Variants in STAB2 observed in about 807,000 individuals in gnomAD.
The protein encoded by STAB2 is stabilin 2.
A neutral mutation model predicts 338.1 loss-of-function variants in STAB2; 288 were observed. The ratio of observed to expected loss-of-function variants is 0.85; its 90% confidence interval spans 0.77 to 0.94. The LOEUF is 0.94. Ranked by LOEUF, STAB2 falls within the 40% of genes least tolerant of loss-of-function variation. The pLI, the probability that STAB2 is intolerant of heterozygous loss-of-function variation, is 0.00. For synonymous variants in STAB2, 1,202 were observed against 1,193.3 expected (o/e 1.01, Z -0.15); for missense variants, 3,141 against 3,210.1 (o/e 0.98, Z 0.52).
At chr12:103,721,753 A>G (rs940776618) in intron 44 of STAB2, among the ~76,000 whole-genome samples, 2 of 152,210 alleles carry the variant, frequency 1.3e-5, no homozygotes, top group African/African-American at 2.4e-5. Context: ...ACTTTGGGGC[A>G]CTGAGGCAGG....
chr12:103,662,336 G>A (rs1874694334), intron 17 of STAB2, among the ~76,000 whole-genome samples: 1 of 152,060 alleles, frequency 6.6e-6, no homozygotes. Flanking sequence ...TACTGCAGGG[G>A]GTGGGTGGCA....
intron 46 of STAB2, 23 bp from the exon 47 acceptor site, chr12:103,727,244 G>A (rs775505298): frequency 6.2e-7 from 1 of 1,613,960 alleles, no homozygotes. Context: ...AGTGATGTGT[G>A]AGCCTCACCT....
intron 27 of STAB2, 33 bp from the exon 28 acceptor site, chr12:103,688,135 C>G (rs1490790466): frequency 1.0e-5 from 16 of 1,603,584 alleles, no homozygotes; most frequent in Non-Finnish European, 1.4e-5. Context: ...TCTCTCCCAT[C>G]TCTTCTTCCC....
At chr12:103,704,478 C>T in intron 35 of STAB2, 80 bp from the exon 36 acceptor site, 1 of 1,428,320 alleles carries the variant, frequency 7.0e-7, no homozygotes, top group Non-Finnish European at 9.7e-7. Flanking sequence ...AATTCAAAAA[C>T]CTTCATTTCC....
chr12:103,643,832 G>A (rs1018567295), intron 9 of STAB2, among the ~76,000 whole-genome samples: 2 of 151,034 alleles, frequency 1.3e-5, no homozygotes, highest in Non-Finnish European at 3.0e-5. Flanking sequence ...AGGGAGGTGG[G>A]GGGGTCAGCC....
chr12:103,678,899 CCACT>C (rs1876638549), intron 25 of STAB2, among the ~76,000 whole-genome samples: 1 of 152,120 alleles, frequency 6.6e-6, no homozygotes, highest in African/African-American at 2.4e-5. Flanking sequence ...GGCATCATTC[CCACT>C]CACTCCTCCA....
chr12:103,758,265 G>A lies in STAB2; in HGVS notation c.7083G>A (p.Gln2361=). 6.2e-7 allele frequency: 1 copy of A among 1,613,964 alleles called. No homozygotes were observed. The highest frequency in any genetic ancestry group is 8.5e-7 in the Non-Finnish European group (1 of 1,180,026). Reference sequence around the variant, plus strand: ...TCCGCGGCACCCTCTTTGTGCCACAGAACAGTGGGCTGGGGGAGAATGAGG... The same window carrying A: ...TCCGCGGCACCCTCTTTGTGCCACAAAACAGTGGGCTGGGGGAGAATGAGG... ...LSIRGTLFVP[Q]NSGLGENETL... Residue 2361 remains glutamine (Q), a synonymous_variant, in exon 64 of 69, where the codon CAG becomes CAA. Coordinates refer to ENST00000388887, the MANE Select transcript of STAB2 (RefSeq NM_017564.10).
intron 6 of STAB2, among the ~76,000 whole-genome samples, chr12:103,634,417 A>G (rs2723888): frequency 0.67 from 101,508 of 152,180 alleles, 34,226 homozygotes; most frequent in Non-Finnish European, 0.72. Context: ...CCGTGTGAAA[A>G]TCAATGTGAC....
intron 6 of STAB2, among the ~76,000 whole-genome samples, chr12:103,632,133 AC>A (rs1318340949): frequency 1.3e-5 from 2 of 152,360 alleles, no homozygotes; most frequent in Admixed American, 6.5e-5. Flanking sequence ...TGAGTGATTC[AC>A]CAAAGGCCAC....
At chr12:103,648,901 A>G in intron 10 of STAB2, 78 bp downstream of exon 10, 4 of 1,561,812 alleles carry the variant, frequency 2.6e-6, no homozygotes, top group Non-Finnish European at 3.5e-6. Context: ...AATGATTCAG[A>G]AAGGGACAGG....
intron 9 of STAB2, among the ~76,000 whole-genome samples, chr12:103,645,669 A>G (rs548952798): frequency 1.3e-5 from 2 of 152,350 alleles, no homozygotes; most frequent in East Asian, 1.9e-4. Context: ...GGAGGTTGAC[A>G]TTTAAGTAGG....
chr12:103,766,303 G>C lies in STAB2; in HGVS notation c.7623G>C (p.Gln2541His). 1 of 1,614,102 alleles carries C rather than the reference G, an allele frequency of 6.2e-7. No homozygotes were observed. Among genetic ancestry groups the C allele is most frequent in the South Asian group, 1.1e-5 (1 of 91,076 alleles). ...TTTTCCAGGACTCTGAAGAACGGCA[G>C]CTTGAGGGCAATGACCCCTTGAGGA... ...YDPFTDSEER[Q>H]LEGNDPLRTL is the part of the protein sequence containing the mutation. Residue 2541 changes from glutamine to histidine, a missense_variant, in exon 69 of 69, where the codon CAG (glutamine) becomes CAC (histidine). Coordinates refer to ENST00000388887, the MANE Select transcript of STAB2 (RefSeq NM_017564.10).
chr12:103,764,836 G>C (rs1884802696), intron 68 of STAB2, among the ~76,000 whole-genome samples: 1 of 152,010 alleles, frequency 6.6e-6, no homozygotes, highest in Non-Finnish European at 1.5e-5. Flanking sequence ...AGTGGCTCAT[G>C]CGTGTAATCC....
chr12:103,695,345 G>A (rs1878302507), intron 31 of STAB2, among the ~76,000 whole-genome samples: 1 of 152,204 alleles, frequency 6.6e-6, no homozygotes, highest in Non-Finnish European at 1.5e-5. Context: ...GCATAAAATT[G>A]AATGACTAAC....
chr12:103,733,982 A>G (rs902229741), intron 51 of STAB2, among the ~76,000 whole-genome samples: 7 of 150,148 alleles, frequency 4.7e-5, no homozygotes, highest in African/African-American at 1.7e-4. Context: ...CAGCACAGTC[A>G]TATAGGAGCA....
At chr12:103,742,719 C>T (rs1478907115) in intron 56 of STAB2, among the ~76,000 whole-genome samples, 165 bp downstream of exon 56, 1 of 152,208 alleles carries the variant, frequency 6.6e-6, no homozygotes, top group Non-Finnish European at 1.5e-5. Context: ...TGGATGCATT[C>T]CCAGTTTCCA....
Position 103,655,247 on chromosome 12 carries a change from T to C in STAB2, c.1552-4T>C, listed in dbSNP as rs2138746639. On this transcript the variant is annotated splice_polypyrimidine_tract_variant and splice_region_variant and intron_variant, in intron 13 of 68. Coordinates refer to ENST00000388887, the MANE Select transcript of STAB2 (RefSeq NM_017564.10). Reference sequence around the variant, plus strand: ...TGATTTTTAAGCAAAATGTCTCTTTTTAGCAAACCATAATGACAATGCTAC... The same window carrying C: ...TGATTTTTAAGCAAAATGTCTCTTTCTAGCAAACCATAATGACAATGCTAC... The C allele has an allele frequency of 6.2e-7, 1 of 1,609,490 alleles. No individual in the cohort carries two copies. The highest frequency in any genetic ancestry group is 1.1e-5 in the South Asian group (1 of 89,216).
At chr12:103,708,300 GA>G in intron 38 of STAB2, 140 bp from the exon 39 acceptor site, 1 of 762,766 alleles carries the variant, frequency 1.3e-6, no homozygotes. Context: ...CCCTTTTTGT[GA>G]TTCAAGACCC....
chr12:103,648,631 A>G, intron 9 of STAB2, 59 bp from the exon 10 acceptor site: 7 of 1,585,220 alleles, frequency 4.4e-6, no homozygotes, highest in Non-Finnish European at 6.0e-6. Flanking sequence ...ATTGGACTGT[A>G]TGATCAAAAT....
Sources: allele counts gnomAD v4.1 joint callset (sites outside exome capture counted in the v4.1 genomes callset), GRCh38; gene constraint gnomAD v4.1.1; transcripts MANE v1.5; gene names NCBI Gene and HGNC (gene_info 2026-07-23, HGNC 2026-07-21).